The following MRGPRF variants were observed in gnomAD, a reference collection of about 807,000 sequenced individuals.
The protein encoded by MRGPRF is mas-related G protein-coupled receptor member F.
MRGPRF carries 2 observed loss-of-function variants against 3.3 expected under a neutral mutation model. The ratio of observed to expected loss-of-function variants is 0.61; its 90% CI spans 0.25 to 1.92. The LOEUF (loss-of-function observed/expected upper bound fraction) is 1.92. MRGPRF is among the 40% of genes most tolerant of loss of function. MRGPRF has a pLI of 0.16. For missense variants in MRGPRF, 500 were observed against 476.0 expected, an observed-to-expected ratio of 1.05 and a Z score of -0.47; for synonymous variants, 242 against 222.7, an observed-to-expected ratio of 1.09 and a Z score of -0.77.
Position 69,006,074 on chromosome 11 carries a change from G to C in MRGPRF, c.236C>G (p.Ser79Cys), listed in dbSNP as rs1300719396. The C allele has an allele frequency of 1.6e-5, 26 of 1,606,520 alleles. No individual in the cohort carries two copies. The highest frequency in any genetic ancestry group is 2.0e-5 in the Non-Finnish European group (24 of 1,176,504). ...GCTGGCCAGGTGCAGGAAGTAGATG[G>C]AGAAGGGGTTCCTCTTGATGGAGAA... ...FGFSIKRNPF[S>C]IYFLHLASAD... The change falls in exon 3 of 3, where the codon TCC becomes TGC. Residue 79 changes from serine (S) to cysteine (C), a missense_variant. By Grantham distance (112) the Ser-to-Cys change is moderately radical. Transcript: ENST00000309099.
intron 1 of MRGPRF, among the ~76,000 whole-genome samples, chr11:69,010,547 A>G (rs1290072155): frequency 6.6e-6 from 1 of 152,194 alleles, no homozygotes; most frequent in Non-Finnish European, 1.5e-5. Flanking sequence ...TACACCCATC[A>G]TCTGGTTTGG....
chr11:69,011,702 C>A (rs1173500542), intron 1 of MRGPRF, among the ~76,000 whole-genome samples: 1 of 152,222 alleles, frequency 6.6e-6, no homozygotes, highest in Non-Finnish European at 1.5e-5. Context: ...AAGCTCTCTC[C>A]ATTGCCCCTA....
At chr11:69,006,304 C>A in intron 2 of MRGPRF, 43 bp from the exon 3 acceptor site, 2 of 1,551,932 alleles carry the variant, frequency 1.3e-6, no homozygotes, top group Non-Finnish European at 1.7e-6. Context: ...CCGGCTGGCC[C>A]CCACCCACAG....
intron 1 of MRGPRF, among the ~76,000 whole-genome samples, chr11:69,010,704 G>C (rs529626941): frequency 6.6e-6 from 1 of 152,154 alleles, no homozygotes; most frequent in Admixed American, 6.5e-5. Context: ...AGCAGCTGCC[G>C]TAGGGAGGGA....
rs769709391 is a variant in MRGPRF, at chr11:69,009,816, T to A, written c.48+38A>T. On this transcript the variant is annotated intron_variant, in intron 2 of 2. Transcript: ENST00000309099. ...GGTCTGCCCCTCCCACCCACACCCGTCTGGGCAAGACCAGGGCCCTCCGCC... is the reference window on the plus strand; with the variant it reads ...GGTCTGCCCCTCCCACCCACACCCGACTGGGCAAGACCAGGGCCCTCCGCC... 16 of 1,574,474 alleles carry A rather than the reference T, an allele frequency of 1.0e-5. No homozygotes were observed. The Admixed American group carries it at 1.7e-4, about 16-fold the overall frequency.
chr11:69,009,515 C>T (rs540271759), intron 2 of MRGPRF: 66 of 582,866 alleles, frequency 1.1e-4, no homozygotes, highest in Non-Finnish European at 1.5e-4. Context: ...CTTCCTGGCC[C>T]GCCTGGCTGT....
chr11:69,005,569 G>T lies in MRGPRF; in HGVS notation c.741C>A (p.Val247=). The T allele has an allele frequency of 6.3e-7, 1 of 1,585,726 alleles. No individual in the cohort carries two copies. Among genetic ancestry groups the T allele is most frequent in the Non-Finnish European group, 8.6e-7 (1 of 1,166,474 alleles). Residue 247 remains valine (V), a synonymous_variant, in exon 3 of 3, where the codon GTC becomes GTA. Transcript: ENST00000309099. ...LNHVILAMVS[V]FLVSSIYLGI... is the part of the protein sequence containing the mutation. ...CTAAGTAGATGGAGGACACCAGGAA[G>T]ACGGAGACCATGGCCAGGATGACGT...
chr11:69,012,413 C>A (rs1335814317), intron 1 of MRGPRF: 1 of 152,318 alleles, frequency 6.6e-6, no homozygotes, highest in Non-Finnish European at 1.5e-5. Context: ...GTTTTCCTCA[C>A]TCCGGGTCTG....
rs1185646763 is a variant in MRGPRF, at chr11:69,005,502, G to A, written c.808C>T (p.Pro270Ser). 2.5e-6 allele frequency: 4 copies of A among 1,580,588 alleles called. No individual in the cohort carries two copies. The highest frequency in any genetic ancestry group is 2.3e-5 in the South Asian group (2 of 86,336). Reference sequence around the variant, plus strand: ...AGGTCAGTGACGTACTCGGGGAAGGGGGCCGGGATCTGGAAGACCCAGAAG... The same window carrying A: ...AGGTCAGTGACGTACTCGGGGAAGGAGGCCGGGATCTGGAAGACCCAGAAG... Reference protein sequence around the residue: ...FLFWVFQIPAPFPEYVTDLCI... With the variant: ...FLFWVFQIPASFPEYVTDLCI... The change falls in exon 3 of 3, where the codon CCC becomes TCC. Residue 270 changes from proline to serine, a missense_variant. Transcript: ENST00000309099.
In MRGPRF at chr11:69,005,413, C is replaced by T. The variant is rs1007663493; in HGVS notation, c.897G>A (p.Ser299=). 11 of 1,583,146 alleles carry T rather than the reference C, an allele frequency of 6.9e-6. No homozygotes were observed. Among genetic ancestry groups the T allele is most frequent in the South Asian group, 1.2e-5 (1 of 86,840 alleles). The change falls in exon 3 of 3, where the codon TCG becomes TCA. Residue 299 remains serine (S), a synonymous_variant. Transcript: ENST00000309099. The stretch of plus-strand genomic sequence containing the variant: ...CCCTGAGCGGCTCCCACAGCCGCTG[C>T]GACTTGTCCCTCCCGGCCAGGAAGT... ...IVYFLAGRDK[S]QRLWEPLRVV...
intron 1 of MRGPRF, 35 bp from the exon 2 acceptor site, chr11:69,009,992 A>G: frequency 7.1e-7 from 1 of 1,406,838 alleles, no homozygotes; most frequent in Non-Finnish European, 9.6e-7. Context: ...GGATGAGGAC[A>G]GCAGGGACCC....
chr11:69,011,656 G>A, intron 1 of MRGPRF, among the ~76,000 whole-genome samples: 1 of 152,166 alleles, frequency 6.6e-6, no homozygotes, highest in East Asian at 1.9e-4. Context: ...CCTATCACCT[G>A]CCCTCATCCT....
At chr11:69,010,035 C>CA in intron 1 of MRGPRF, 78 bp from the exon 2 acceptor site, 1 of 919,628 alleles carries the variant, frequency 1.1e-6, no homozygotes, top group South Asian at 1.7e-5. Context: ...CCTAGGCCCC[C>CA]AAGGCCTGTG....
chr11:69,006,378 G>C, intron 2 of MRGPRF, 117 bp from the exon 3 acceptor site: 4 of 1,259,296 alleles, frequency 3.2e-6, no homozygotes, highest in Non-Finnish European at 4.3e-6. Flanking sequence ...GGGGCAGGGA[G>C]GGGGTCTGTA....
At chr11:69,012,354 G>T (rs1860616556) in intron 1 of MRGPRF, 1 of 152,282 alleles carries the variant, frequency 6.6e-6, no homozygotes, top group Admixed American at 6.5e-5. Context: ...TTAGCCGCTT[G>T]TGCCGCCATC....
rs556864989 is a variant in MRGPRF, at chr11:69,005,062, G to C, written c.*216C>G. 1 of 598,830 alleles carries C rather than the reference G, an allele frequency of 1.7e-6. No individual in the cohort carries two copies. The highest frequency in any genetic ancestry group is 1.9e-5 in the African/African-American group (1 of 53,042). 37.1% of individuals were successfully genotyped at this position (598,830 alleles called of 1,614,324 possible). The stretch of plus-strand genomic sequence containing the variant: ...AGGTCTCTAGGGGAGCAGAATGGGT[G>C]GGGGAGCCGGGCAGGGGCCACAGGG... On this transcript the variant is annotated 3_prime_UTR_variant, in exon 3 of 3. Coordinates refer to ENST00000309099, the MANE Select transcript of MRGPRF (RefSeq NM_145015.5).
chr11:69,009,688 T>A, intron 2 of MRGPRF, 166 bp downstream of exon 2: 1 of 797,404 alleles, frequency 1.3e-6, no homozygotes. Flanking sequence ...TCCAGGGAAC[T>A]TGTGCCCGGC....
chr11:69,009,501 A>C lies in MRGPRF; in HGVS notation c.48+353T>G, dbSNP rs187605263. The C allele has an allele frequency of 1.5e-3, 857 of 582,468 alleles. 6 individuals carry two copies. In the African/African-American group the frequency reaches 0.015, roughly 10 times the overall value. The allele number at this position is 582,468 out of a possible 1,614,324, so 36.1% of individuals were successfully genotyped here. ...AGGGCCACCTTGGAGTCAGCGTCCCAGGGCTTCCTGGCCCGCCTGGCTGTA... is the reference window on the plus strand; with the variant it reads ...AGGGCCACCTTGGAGTCAGCGTCCCCGGGCTTCCTGGCCCGCCTGGCTGTA... On this transcript the variant is annotated intron_variant, in intron 2 of 2. Transcript: ENST00000309099.
In MRGPRF at chr11:69,004,979, T is replaced by A. The variant is rs1860437691; in HGVS notation, c.*299A>T. The A allele has an allele frequency of 5.7e-6, 2 of 351,890 alleles. No individual in the cohort carries two copies. The allele number at this position is 351,890 out of a possible 1,614,324, so 21.8% of individuals were successfully genotyped here. On this transcript the variant is annotated 3_prime_UTR_variant, in exon 3 of 3. Coordinates refer to ENST00000309099, the MANE Select transcript of MRGPRF (RefSeq NM_145015.5). ...GGCTGGGTGTTGACCTCCTCTCTTT[T>A]ACCAACCAGCCTAGGGCAAGGAGGG...
Sources: allele counts gnomAD v4.1 joint callset (sites outside exome capture counted in the v4.1 genomes callset), GRCh38; gene constraint gnomAD v4.1.1; transcripts MANE v1.5; gene names NCBI Gene and HGNC (gene_info 2026-07-23, HGNC 2026-07-21).